The following XIRP2 variants were observed in gnomAD, a reference collection of about 807,000 sequenced individuals.
The protein encoded by XIRP2 is xin actin-binding repeat-containing protein 2.
Under a neutral mutation model 277.0 loss-of-function variants are expected in XIRP2, and 236 were observed. That is an observed-to-expected ratio of 0.85 (90% CI 0.77 to 0.95). XIRP2 has a LOEUF of 0.95. Among genes scored for constraint, XIRP2 ranks in the 40% least tolerant of loss-of-function variants. XIRP2 has a pLI of 0.00. For missense variants in XIRP2, 4,640 were observed against 4,157.5 expected, an observed-to-expected ratio of 1.12 and a Z score of -3.19; for synonymous variants, 1,490 against 1,416.5, an observed-to-expected ratio of 1.05 and a Z score of -1.17.
chr2:167,091,723 A>G (rs1314056980), intron 2 of XIRP2, among the ~76,000 whole-genome samples: 2 of 152,136 alleles, frequency 1.3e-5, no homozygotes, highest in Non-Finnish European at 2.9e-5. Flanking sequence ...AGTATTGGAC[A>G]TTACATAATT....
rs886564524 is a variant in XIRP2 at position 167,244,625 on chromosome 2, G to A, written c.3233G>A (p.Ser1078Asn). ...TTTAGTGATGTGGAAGAAACAGAAAGTAAAACTGAACAAACTAGAGATATT... is the reference window on the plus strand; with the variant it reads ...TTTAGTGATGTGGAAGAAACAGAAAATAAAACTGAACAAACTAGAGATATT... ...KYFSDVEETE[S>N]KTEQTRDIVK... Residue 1078 changes from serine to asparagine, a missense_variant, in exon 9 of 11, where the codon AGT becomes AAT. Transcript: ENST00000409195. 2.5e-6 allele frequency: 4 copies of A among 1,612,882 alleles called. No homozygotes were observed. The African/African-American group carries it at 5.3e-5, about 22-fold the overall frequency.
intron 2 of XIRP2, chr2:167,124,274 G>A (rs1030521145): frequency 6.6e-6 from 1 of 152,078 alleles, no homozygotes; most frequent in African/African-American, 2.4e-5. Context: ...AAGTTTAGAT[G>A]CTGAGTTCCA....
At chr2:167,153,974 G>C (rs532757681) in intron 3 of XIRP2, among the ~76,000 whole-genome samples, 1 of 151,288 alleles carries the variant, frequency 6.6e-6, no homozygotes, top group African/African-American at 2.4e-5. Context: ...GATCCCTGAG[G>C]AATCGCCACA....
At chr2:167,030,875 T>A (rs144935827) in intron 2 of XIRP2, among the ~76,000 whole-genome samples, 127 of 152,280 alleles carry the variant, frequency 8.3e-4, no homozygotes, top group African/African-American at 2.8e-3. Context: ...TGGGTGTTCC[T>A]GTATTGGGTG....
At chr2:167,107,542 A>G (rs1383732380) in intron 2 of XIRP2, among the ~76,000 whole-genome samples, 5 of 151,688 alleles carry the variant, frequency 3.3e-5, no homozygotes, top group Admixed American at 3.3e-4. Context: ...GCTTCTCTAT[A>G]ATAAGTCTTA....
intron 3 of XIRP2, among the ~76,000 whole-genome samples, chr2:167,205,020 C>T (rs923075719): frequency 6.6e-6 from 1 of 152,144 alleles, no homozygotes; most frequent in Non-Finnish European, 1.5e-5. Context: ...GTTGATAGTG[C>T]TTCACAGTTT....
intron 5 of XIRP2, among the ~76,000 whole-genome samples, chr2:167,231,702 A>C (rs1379054603): frequency 6.6e-6 from 1 of 152,012 alleles, no homozygotes; most frequent in Non-Finnish European, 1.5e-5. Context: ...CCAGGTGTGC[A>C]GAAAAGACTA....
chr2:167,072,886 G>C (rs1194076559), intron 2 of XIRP2, among the ~76,000 whole-genome samples: 2 of 152,110 alleles, frequency 1.3e-5, no homozygotes, highest in Non-Finnish European at 2.9e-5. Flanking sequence ...TGCATAAAGT[G>C]TATAAAACAT....
chr2:167,161,951 A>G (rs975844222), intron 3 of XIRP2, among the ~76,000 whole-genome samples: 5 of 152,164 alleles, frequency 3.3e-5, no homozygotes, highest in African/African-American at 1.2e-4. Flanking sequence ...AATTTCTTCC[A>G]CTAGATAACC....
chr2:167,095,766 G>A (rs1252093344), intron 2 of XIRP2, among the ~76,000 whole-genome samples: 2 of 145,092 alleles, frequency 1.4e-5, no homozygotes, highest in African/African-American at 5.0e-5. Flanking sequence ...ATATTGGCCT[G>A]AAATTTCCTT....
intron 2 of XIRP2, among the ~76,000 whole-genome samples, chr2:167,028,926 G>GA (rs1286309757): frequency 6.6e-6 from 1 of 151,342 alleles, no homozygotes; most frequent in Non-Finnish European, 1.5e-5. Context: ...TTGACATACT[G>GA]AAAAATACCT....
Position 167,243,309 on chromosome 2 carries a change from T to C in XIRP2, c.1917T>C (p.Asn639=). The stretch of plus-strand genomic sequence containing the variant: ...CTTATTCTTCTGACACTGTAGAAAA[T>C]GCAGAGAAAATTCCTGAGCTAGCCA... ...LGAYSSDTVE[N]AEKIPELARG... The change falls in exon 9 of 11, where the codon AAT becomes AAC. Residue 639 remains asparagine (N), a synonymous_variant. Coordinates refer to ENST00000409195, the MANE Select transcript of XIRP2 (RefSeq NM_152381.6). 6.2e-7 allele frequency: 1 copy of C among 1,613,620 alleles called. No individual in the cohort carries two copies. Among genetic ancestry groups the C allele is most frequent in the Non-Finnish European group, 8.5e-7 (1 of 1,179,770 alleles).
intron 2 of XIRP2, among the ~76,000 whole-genome samples, chr2:166,993,189 GA>G (rs1687131039): frequency 8.7e-4 from 1 of 1,146 alleles, no homozygotes. Context: ...ACAACTATCT[GA>G]TCTTTGACAA....
intron 5 of XIRP2, among the ~76,000 whole-genome samples, chr2:167,236,542 A>G (rs1694904391): frequency 6.6e-6 from 1 of 152,036 alleles, no homozygotes; most frequent in Non-Finnish European, 1.5e-5. Flanking sequence ...TTAGATTTCA[A>G]AGTTAGAGCA....
Position 167,247,105 on chromosome 2 carries a change from G to T in XIRP2, c.5713G>T (p.Ala1905Ser), listed in dbSNP as rs1695296375. Residue 1905 changes from alanine (A) to serine (S), a missense_variant, in exon 9 of 11, where the codon GCT becomes TCT. Physicochemically the swap from Ala to Ser is moderately conservative, Grantham distance 99 (BLOSUM62 1). Coordinates refer to ENST00000409195, the MANE Select transcript of XIRP2 (RefSeq NM_152381.6). ...IEKAIECLEK[A>S]TNTKTEILKK... The stretch of plus-strand genomic sequence containing the variant: ...AAAAGCTATTGAATGCCTTGAAAAA[G>T]CTACAAATACAAAGACAGAAATTCT... 1.9e-6 allele frequency: 3 copies of T among 1,613,066 alleles called. No homozygotes were observed. In the South Asian group the frequency reaches 3.3e-5, roughly 18 times the overall value.
intron 3 of XIRP2, among the ~76,000 whole-genome samples, chr2:167,161,116 C>T (rs1692350052): frequency 6.6e-6 from 1 of 152,184 alleles, no homozygotes; most frequent in South Asian, 2.1e-4. Context: ...AGGTGGGTTC[C>T]CTTGGTCTTG....
chr2:166,949,108 G>GAGTCAAAT (rs1685960655), intron 2 of XIRP2, among the ~76,000 whole-genome samples: 1 of 151,894 alleles, frequency 6.6e-6, no homozygotes, highest in Admixed American at 6.6e-5. Context: ...AGTCAAATGA[G>GAGTCAAAT]AGTCAAATAG....
At chr2:166,980,637 C>G (rs934373042) in intron 2 of XIRP2, among the ~76,000 whole-genome samples, 1 of 152,006 alleles carries the variant, frequency 6.6e-6, no homozygotes, top group Non-Finnish European at 1.5e-5. Context: ...AGGCTGGTCT[C>G]GAGCTCCTGA....
chr2:167,258,751 C>G lies in XIRP2; in HGVS notation c.*934C>G. The G allele has an allele frequency of 6.2e-7, 1 of 1,613,260 alleles. No homozygotes were observed. The highest frequency in any genetic ancestry group is 8.5e-7 in the Non-Finnish European group (1 of 1,179,602). On this transcript the variant is annotated 3_prime_UTR_variant, in exon 11 of 11. Transcript: ENST00000409195. The stretch of plus-strand genomic sequence containing the variant: ...TTTTAGAATTTCTTGATCTATTACC[C>G]TTGTCGAGTGAAGCAAATGACACTG...
Sources: allele counts gnomAD v4.1 joint callset (sites outside exome capture counted in the v4.1 genomes callset), GRCh38; gene constraint gnomAD v4.1.1; transcripts MANE v1.5; gene names NCBI Gene and HGNC (gene_info 2026-07-23, HGNC 2026-07-21).